TPH2: variants seen among roughly 807,000 people sequenced by gnomAD.
TPH2 encodes tryptophan 5-hydroxylase 2.
Under a neutral mutation model 59.1 loss-of-function variants are expected in TPH2, and 27 were observed. That is an observed-to-expected ratio of 0.46 (90% CI 0.34 to 0.63). TPH2 has a LOEUF of 0.63. Among genes scored for constraint, TPH2 ranks in the 30% least tolerant of loss-of-function variants. The probability of loss-of-function intolerance (pLI) is 0.01; values close to 1 mark genes in which losing one functional copy is unlikely to be tolerated. For synonymous variants in TPH2, 220 were observed against 210.5 expected (o/e 1.05, Z -0.39); for missense variants, 523 against 588.3 (o/e 0.89, Z 1.15).
chr12:72,020,473 G>A (rs1873378766), intron 8 of TPH2, among the ~76,000 whole-genome samples: 1 of 152,066 alleles, frequency 6.6e-6, no homozygotes, highest in African/African-American at 2.4e-5. Flanking sequence ...ATGGAGGGTA[G>A]GAAGGGCTGT....
chr12:71,959,755 G>A (rs1194535301), intron 5 of TPH2, among the ~76,000 whole-genome samples: 3 of 152,152 alleles, frequency 2.0e-5, no homozygotes, highest in African/African-American at 7.2e-5. Flanking sequence ...GAGGAAGAAT[G>A]GAAGGGAAGG....
At chr12:71,941,463 A>T in intron 1 of TPH2, 121 bp from the exon 2 acceptor site, 2 of 1,267,426 alleles carry the variant, frequency 1.6e-6, no homozygotes, top group Non-Finnish European at 1.1e-6. Flanking sequence ...ACTTCACCTT[A>T]AGTTTGTATG....
At chr12:71,944,058 C>G (rs1871139808) in intron 2 of TPH2, among the ~76,000 whole-genome samples, 1 of 151,698 alleles carries the variant, frequency 6.6e-6, no homozygotes, top group African/African-American at 2.4e-5. Flanking sequence ...TTTTAAATGC[C>G]CCTTCTATTT....
chr12:71,997,610 C>T (rs1872725802), intron 8 of TPH2, among the ~76,000 whole-genome samples: 1 of 152,122 alleles, frequency 6.6e-6, no homozygotes, highest in Admixed American at 6.5e-5. Flanking sequence ...GAACATTAGG[C>T]CATTAATCAT....
At chr12:71,961,630 C>A in intron 5 of TPH2, 2 of 1,352,050 alleles carry the variant, frequency 1.5e-6, no homozygotes, top group Non-Finnish European at 2.0e-6. Flanking sequence ...AGCTCAAGCT[C>A]CTTGTGTATG....
At chr12:71,982,013 G>GTTTTTTTTTTTTTTTTT (rs1468983565) in intron 7 of TPH2, among the ~76,000 whole-genome samples, 3 of 55,672 alleles carry the variant, frequency 5.4e-5, no homozygotes, top group African/African-American at 1.3e-4. Flanking sequence ...CATATCATTC[G>GTTTTTTTTTTTTTTTTT]TATTTTTTTT....
intron 7 of TPH2, among the ~76,000 whole-genome samples, chr12:71,983,610 G>A (rs372951034): frequency 7.9e-5 from 12 of 152,126 alleles, no homozygotes; most frequent in South Asian, 2.1e-4. Flanking sequence ...TATGCCCTCC[G>A]TCCACCTCAT....
intron 7 of TPH2, among the ~76,000 whole-genome samples, chr12:71,981,337 A>T (rs1232064189): frequency 6.6e-6 from 1 of 152,232 alleles, no homozygotes; most frequent in Non-Finnish European, 1.5e-5. Flanking sequence ...ATTTGGACTT[A>T]GTTCTGTAGG....
intron 1 of TPH2, among the ~76,000 whole-genome samples, chr12:71,940,637 A>G (rs995597061): frequency 1.3e-5 from 2 of 152,172 alleles, no homozygotes; most frequent in African/African-American, 2.4e-5. Flanking sequence ...TGTCTGTCAA[A>G]TGAAAGTTTC....
At chr12:71,968,022 T>A (rs1174642161) in intron 5 of TPH2, among the ~76,000 whole-genome samples, 1 of 152,164 alleles carries the variant, frequency 6.6e-6, no homozygotes, top group Non-Finnish European at 1.5e-5. Context: ...AAGACCTATT[T>A]CTTCTAGAGT....
At chr12:71,961,695 T>G in intron 5 of TPH2, 2 of 1,350,212 alleles carry the variant, frequency 1.5e-6, no homozygotes, top group Non-Finnish European at 2.0e-6. Context: ...TGTTGATATT[T>G]AATTTCATGA....
intron 8 of TPH2, among the ~76,000 whole-genome samples, chr12:72,014,705 A>G (rs1338858700): frequency 6.6e-6 from 1 of 152,008 alleles, no homozygotes; most frequent in Non-Finnish European, 1.5e-5. Flanking sequence ...AAAATTTTTA[A>G]CTCAAGAATG....
chr12:72,019,105 G>C (rs540680094), intron 8 of TPH2, among the ~76,000 whole-genome samples: 8 of 152,264 alleles, frequency 5.3e-5, no homozygotes, highest in African/African-American at 1.9e-4. Context: ...CTTGGAGGCT[G>C]TATTTTAGCT....
intron 9 of TPH2, among the ~76,000 whole-genome samples, chr12:72,025,659 T>C (rs1317256843): frequency 1.3e-5 from 2 of 152,190 alleles, no homozygotes. Flanking sequence ...ATCTGTTCTG[T>C]GGTGTACTTA....
chr12:71,990,064 C>T (rs866666887), intron 7 of TPH2, among the ~76,000 whole-genome samples: 4 of 151,558 alleles, frequency 2.6e-5, no homozygotes, highest in Non-Finnish European at 5.9e-5. Flanking sequence ...CTCTAAAAAG[C>T]ATTATTCAGG....
intron 8 of TPH2, among the ~76,000 whole-genome samples, chr12:72,010,761 G>A (rs1473829190): frequency 1.3e-5 from 2 of 152,090 alleles, no homozygotes; most frequent in East Asian, 3.9e-4. Context: ...GCTCATGTGG[G>A]AGTCAGTAAA....
intron 5 of TPH2, among the ~76,000 whole-genome samples, chr12:71,956,636 G>T (rs1236213399): frequency 1.4e-5 from 2 of 147,908 alleles, no homozygotes; most frequent in African/African-American, 2.5e-5. Context: ...TTGAAACAGG[G>T]TCTCACTCTG....
chr12:72,028,894 A>T (rs1873640892), intron 9 of TPH2, among the ~76,000 whole-genome samples: 1 of 152,178 alleles, frequency 6.6e-6, no homozygotes, highest in African/African-American at 2.4e-5. Context: ...CTCAAATTAC[A>T]TGTGTGTGAA....
chr12:72,018,692 G>A (rs192744936), intron 8 of TPH2, among the ~76,000 whole-genome samples: 21 of 152,274 alleles, frequency 1.4e-4, no homozygotes, highest in African/African-American at 4.6e-4. Context: ...CAAGGATTTC[G>A]TGTCAGGTGT....
Sources: allele counts gnomAD v4.1 joint callset (sites outside exome capture counted in the v4.1 genomes callset), GRCh38; gene constraint gnomAD v4.1.1; transcripts MANE v1.5; gene names NCBI Gene and HGNC (gene_info 2026-07-23, HGNC 2026-07-21).